DTD1: variants seen among roughly 807,000 people sequenced by gnomAD.
The protein encoded by DTD1 is D-aminoacyl-tRNA deacylase 1, also known as D-tyrosyl-tRNA deacylase 1 homolog.
DTD1 carries 13 observed loss-of-function variants against 25.6 expected under a neutral mutation model. The ratio of observed to expected loss-of-function variants is 0.51; its 90% CI spans 0.33 to 0.81. The LOEUF is 0.81. Ranked by LOEUF, DTD1 falls within the 30% of genes least tolerant of loss-of-function variation. DTD1 has a pLI of 0.02. For synonymous variants in DTD1, 110 were observed against 103.6 expected, an observed-to-expected ratio of 1.06 and a Z score of -0.37; for missense variants, 193 against 266.4, an observed-to-expected ratio of 0.72 and a Z score of 1.92.
Position 18,709,328 on chromosome 20 carries a change from A to G in DTD1, c.478-34772A>G, listed in dbSNP as rs759530539. On this transcript the variant is annotated intron_variant, in intron 4 of 5. Transcript: ENST00000377452. ...TATGTACCTAGGGTGATATAATCAT[A>G]TAATGAGCTGCAGCTTCTCTTCCTC... is the stretch of plus-strand genomic sequence containing the variant. 2.0e-4 allele frequency among the ~76,000 whole-genome samples: 30 copies of G among 152,326 alleles called. No individual in the cohort carries two copies. In the South Asian group the frequency reaches 2.9e-3, roughly 15 times the overall value.
At chr20:18,619,459 CTG>C (rs1310401503) in intron 3 of DTD1, among the ~76,000 whole-genome samples, 1 of 152,022 alleles carries the variant, frequency 6.6e-6, no homozygotes, top group Non-Finnish European at 1.5e-5. Context: ...GAGTGTCACT[CTG>C]TTGTCCAGGC....
chr20:18,595,386 C>T (rs935340513), intron 2 of DTD1, among the ~76,000 whole-genome samples: 2 of 152,040 alleles, frequency 1.3e-5, no homozygotes, highest in Non-Finnish European at 1.5e-5. Context: ...TGTGCCTAAG[C>T]CTCCTGAGTA....
chr20:18,756,212 T>C (rs1343244395), intron 5 of DTD1, among the ~76,000 whole-genome samples: 2 of 152,198 alleles, frequency 1.3e-5, no homozygotes, highest in Non-Finnish European at 2.9e-5. Flanking sequence ...TTCTCCCACT[T>C]TGTAGGTTGC....
At chr20:18,757,029 G>T (rs1253629707) in intron 5 of DTD1, among the ~76,000 whole-genome samples, 3 of 150,804 alleles carry the variant, frequency 2.0e-5, no homozygotes, top group Non-Finnish European at 4.4e-5. Flanking sequence ...TCTCTTTGAA[G>T]CAATTGTGAA....
intron 3 of DTD1, among the ~76,000 whole-genome samples, chr20:18,598,338 T>C (rs759394928): frequency 3.3e-5 from 5 of 152,210 alleles, no homozygotes; most frequent in Non-Finnish European, 5.9e-5. Context: ...TTGTATTCCA[T>C]GGTGTGTAGG....
chr20:18,660,216 G>A (rs1016403770), intron 4 of DTD1, among the ~76,000 whole-genome samples: 1 of 152,094 alleles, frequency 6.6e-6, no homozygotes, highest in African/African-American at 2.4e-5. Context: ...CAAAAAAAAA[G>A]TATTTTTTAT....
chr20:18,659,567 A>G (rs1216337145), intron 4 of DTD1, among the ~76,000 whole-genome samples: 2 of 152,238 alleles, frequency 1.3e-5, no homozygotes, highest in East Asian at 3.8e-4. Flanking sequence ...TAATCAAAAA[A>G]TATATTTTTT....
At chr20:18,755,760 T>A (rs375815530) in intron 5 of DTD1, among the ~76,000 whole-genome samples, 1 of 152,050 alleles carries the variant, frequency 6.6e-6, no homozygotes, top group Non-Finnish European at 1.5e-5. Context: ...TAGCAGCATG[T>A]TTTATAATCC....
chr20:18,621,173 T>C (rs1337684977), intron 3 of DTD1, among the ~76,000 whole-genome samples: 1 of 152,194 alleles, frequency 6.6e-6, no homozygotes, highest in Non-Finnish European at 1.5e-5. Flanking sequence ...GATTACCTTG[T>C]CTTTCCTTGT....
chr20:18,692,673 G>A (rs2061052031), intron 4 of DTD1, among the ~76,000 whole-genome samples: 1 of 152,204 alleles, frequency 6.6e-6, no homozygotes, highest in Non-Finnish European at 1.5e-5. Context: ...CCTGGAAGGA[G>A]AGCTGAGGCT....
At chr20:18,635,288 G>A (rs1397151162) in intron 4 of DTD1, among the ~76,000 whole-genome samples, 3 of 152,226 alleles carry the variant, frequency 2.0e-5, no homozygotes, top group African/African-American at 7.2e-5. Context: ...AAACAGAAGT[G>A]GGAACTCAGC....
At chr20:18,763,054 T>G (rs1215946952) in intron 5 of DTD1, among the ~76,000 whole-genome samples, 3 of 152,222 alleles carry the variant, frequency 2.0e-5, no homozygotes, top group African/African-American at 7.2e-5. Flanking sequence ...TATTTTCTAT[T>G]TTGCCTGGTG....
chr20:18,710,829 G>A (rs1034825377), intron 4 of DTD1, among the ~76,000 whole-genome samples: 1 of 152,070 alleles, frequency 6.6e-6, no homozygotes, highest in African/African-American at 2.4e-5. Context: ...CTCCTGTGTA[G>A]AGCCAGGAAG....
At chr20:18,708,136 G>C (rs1199074046) in intron 4 of DTD1, among the ~76,000 whole-genome samples, 1 of 132,054 alleles carries the variant, frequency 7.6e-6, no homozygotes, top group Non-Finnish European at 1.6e-5. Context: ...TATAAAGAAG[G>C]TAAAATAGCT....
At chr20:18,659,984 A>G (rs1003305478) in intron 4 of DTD1, among the ~76,000 whole-genome samples, 7 of 152,166 alleles carry the variant, frequency 4.6e-5, no homozygotes, top group African/African-American at 1.7e-4. Flanking sequence ...CTGTAATCCC[A>G]GCACTTTGGG....
intron 5 of DTD1, among the ~76,000 whole-genome samples, chr20:18,747,997 G>A (rs1282128103): frequency 1.3e-5 from 2 of 152,086 alleles, no homozygotes; most frequent in African/African-American, 4.8e-5. Context: ...CCAGCCTGGC[G>A]ACAGAGTGAG....
At position 18,702,272 on chromosome 20, in the gene DTD1, C is replaced by T. The variant is rs138676239; in HGVS notation, c.478-41828C>T. Among the ~76,000 whole-genome samples the T allele has an allele frequency of 2.5e-3, 373 of 152,230 alleles. 7 individuals carry two copies. Among genetic ancestry groups the T allele is most frequent in the Admixed American group, 0.02 (305 of 15,286 alleles). On this transcript the variant is annotated intron_variant, in intron 4 of 5. Coordinates refer to ENST00000377452, the MANE Select transcript of DTD1 (RefSeq NM_080820.6). The stretch of plus-strand genomic sequence containing the variant: ...TAATCCACAACTGTGTATGGTACTC[C>T]CGCCCCCTTCCCTCCATCTCTGTAA...
At chr20:18,687,493 G>A (rs1467568329) in intron 4 of DTD1, among the ~76,000 whole-genome samples, 1 of 152,190 alleles carries the variant, frequency 6.6e-6, no homozygotes, top group African/African-American at 2.4e-5. Flanking sequence ...ACTGTAGGAA[G>A]TAAAAGGAGG....
chr20:18,656,399 C>T (rs1432336572), intron 4 of DTD1, among the ~76,000 whole-genome samples: 1 of 152,194 alleles, frequency 6.6e-6, no homozygotes, highest in Non-Finnish European at 1.5e-5. Flanking sequence ...TAAAGTACTA[C>T]ACGGTTTGGC....
Sources: gnomAD v4.1 joint callset for allele counts (sites outside exome capture counted in the v4.1 genomes callset) on GRCh38, gnomAD v4.1.1 for gene constraint, MANE v1.5 for transcripts, NCBI Gene and HGNC (gene_info 2026-07-23, HGNC 2026-07-21) for gene names.